Variants in PIEZO2 observed in about 807,000 individuals in gnomAD.
The protein encoded by PIEZO2 is piezo-type mechanosensitive ion channel component 2.
PIEZO2 carries 172 observed loss-of-function variants against 337.3 expected under a neutral mutation model. That is an observed-to-expected ratio of 0.51 (90% CI 0.45 to 0.58). The LOEUF (loss-of-function observed/expected upper bound fraction) is 0.58. Ranked by LOEUF, PIEZO2 falls within the 20% of genes least tolerant of loss-of-function variation. The pLI is 0.00. For missense variants in PIEZO2, 3,028 were observed against 3,391.3 expected, an observed-to-expected ratio of 0.89 and a Z score of 2.66; for synonymous variants, 1,251 against 1,228.5, an observed-to-expected ratio of 1.02 and a Z score of -0.38.
chr18:10,805,802 A>C (rs2144316178), intron 8 of PIEZO2, among the ~76,000 whole-genome samples: 2 of 152,346 alleles, frequency 1.3e-5, no homozygotes, highest in Middle Eastern at 3.4e-3. Flanking sequence ...CTAATCCCAC[A>C]GATGGCTGTT....
chr18:11,031,984 C>G lies in PIEZO2; in HGVS notation c.160+34143G>C, dbSNP rs1372698822. Among the ~76,000 whole-genome samples the G allele has an allele frequency of 2.0e-5, 3 of 152,142 alleles. No individual in the cohort carries two copies. The highest frequency in any genetic ancestry group is 4.4e-5 in the Non-Finnish European group (3 of 68,030). ...TCTCTGTTTCTCTCTGTCTCTCTCT[C>G]ACACACATACGCATACACACAGATA... On this transcript the variant is annotated intron_variant, in intron 2 of 55. Coordinates refer to ENST00000674853, the MANE Select transcript of PIEZO2 (RefSeq NM_001378183.1). The surrounding 1 kb of genome is among the most constrained non-coding windows in gnomAD (Gnocchi z 4.7).
In PIEZO2 at chr18:11,021,464, T is replaced by C. The variant is rs966949023; in HGVS notation, c.161-41804A>G. ...CCTCCTCCCCACTGCAAGGGCTCCA[T>C]GAATGCTTTCTTGGTGGTAAGGATG... On this transcript the variant is annotated intron_variant, in intron 2 of 55. Transcript: ENST00000674853. The surrounding 1 kb of genome is among the most constrained non-coding windows in gnomAD (Gnocchi z 4.7). Among the ~76,000 whole-genome samples, 1 of 152,200 alleles carries C rather than the reference T, an allele frequency of 6.6e-6. No homozygotes were observed. The highest frequency in any genetic ancestry group is 2.4e-5 in the African/African-American group (1 of 41,456).
Position 11,028,687 on chromosome 18 carries a change from C to T in PIEZO2, c.160+37440G>A, listed in dbSNP as rs1230820536. On this transcript the variant is annotated intron_variant, in intron 2 of 55. Coordinates refer to ENST00000674853, the MANE Select transcript of PIEZO2 (RefSeq NM_001378183.1). The surrounding 1 kb of genome is among the most constrained non-coding windows in gnomAD (Gnocchi z 4.8). ...GTGCAGTATTAGGGATATATGTTTC[C>T]TTAGATAGATCCTCACATATTCTGG... is the stretch of plus-strand genomic sequence containing the variant. 6.6e-6 allele frequency among the ~76,000 whole-genome samples: 1 copy of T among 152,168 alleles called. No homozygotes were observed. Among genetic ancestry groups the T allele is most frequent in the Admixed American group, 6.5e-5 (1 of 15,280 alleles).
At chr18:10,858,030 A>G (rs1355018008) in intron 5 of PIEZO2, among the ~76,000 whole-genome samples, 1 of 148,866 alleles carries the variant, frequency 6.7e-6, no homozygotes, top group Non-Finnish European at 1.5e-5. Flanking sequence ...TAAAGAAATC[A>G]TAAATAAGTG....
chr18:11,124,680 A>C (rs2146209071), intron 1 of PIEZO2, among the ~76,000 whole-genome samples: 1 of 152,242 alleles, frequency 6.6e-6, no homozygotes, highest in East Asian at 1.9e-4. Flanking sequence ...GCAGGGTTCA[A>C]GCCCCAGGAT....
intron 2 of PIEZO2, among the ~76,000 whole-genome samples, chr18:11,007,965 C>A (rs2035779211): frequency 6.6e-6 from 1 of 152,108 alleles, no homozygotes; most frequent in Non-Finnish European, 1.5e-5. Flanking sequence ...ATAAAACATG[C>A]GCCCCACCAG....
At chr18:10,879,572 T>C (rs914664727) in intron 4 of PIEZO2, among the ~76,000 whole-genome samples, 3 of 152,014 alleles carry the variant, frequency 2.0e-5, no homozygotes, top group Non-Finnish European at 2.9e-5. Context: ...ATTTTTTGTA[T>C]TTTTAGTATA....
At chr18:11,115,742 T>C (rs2039870823) in intron 1 of PIEZO2, among the ~76,000 whole-genome samples, 1 of 152,190 alleles carries the variant, frequency 6.6e-6, no homozygotes. Context: ...GTGGGAATCT[T>C]GTATTTTTAT....
At chr18:10,742,935 T>C (rs2037283632) in intron 31 of PIEZO2, among the ~76,000 whole-genome samples, 1 of 152,180 alleles carries the variant, frequency 6.6e-6, no homozygotes, top group Non-Finnish European at 1.5e-5. Context: ...TCACATCTTG[T>C]ATCATAGCCA....
Position 10,704,519 on chromosome 18 carries a change from G to A in PIEZO2, c.6133C>T (p.Leu2045Phe), listed in dbSNP as rs1474329530. 5.9e-6 allele frequency: 9 copies of A among 1,537,116 alleles called. No individual in the cohort carries two copies. Among genetic ancestry groups the A allele is most frequent in the South Asian group, 1.2e-5 (1 of 84,070 alleles). The change falls in exon 42 of 56, where the codon CTC (leucine) becomes TTC (phenylalanine). Residue 2045 changes from leucine to phenylalanine, a missense_variant. Around this residue, in one of 5 missense-constraint regions of PIEZO2, gnomAD observed 1,925 missense variants for 2,051.9 expected, o/e 0.94. Transcript: ENST00000674853. ...ATGGAGGCAGAGACCATGTGGTTGAGGATGATCACGAAGTAGCACACCATC... is the reference window on the plus strand; with the variant it reads ...ATGGAGGCAGAGACCATGTGGTTGAAGATGATCACGAAGTAGCACACCATC... ...SEMVCYFVII[L>F]NHMVSASMIT...
chr18:10,698,122 A>C lies in PIEZO2; in HGVS notation c.6695-242T>G, dbSNP rs549954818. 2.6e-5 allele frequency among the ~76,000 whole-genome samples: 4 copies of C among 152,332 alleles called. No individual in the cohort carries two copies. In the South Asian group the frequency reaches 8.3e-4, roughly 32 times the overall value. On this transcript the variant is annotated intron_variant, in intron 44 of 55. Transcript: ENST00000674853. Reference sequence around the variant, plus strand: ...TGCAATCTTTGTTTCAGAAGTAAATAAACTGGAAGGATAGTTTTTATTGTG... The same window carrying C: ...TGCAATCTTTGTTTCAGAAGTAAATCAACTGGAAGGATAGTTTTTATTGTG...
intron 36 of PIEZO2, 70 bp from the exon 37 acceptor site, chr18:10,718,329 C>A: frequency 7.7e-7 from 1 of 1,300,646 alleles, no homozygotes; most frequent in Non-Finnish European, 1.1e-6. Flanking sequence ...TGTTACTCTT[C>A]TAGATTAAAA....
chr18:10,690,744 T>C (rs1204878345), intron 48 of PIEZO2, among the ~76,000 whole-genome samples: 7 of 152,146 alleles, frequency 4.6e-5, no homozygotes, highest in Admixed American at 3.3e-4. Flanking sequence ...GTGCTTTGAG[T>C]AGTTAACTTG....
chr18:11,140,894 G>A (rs951461681), intron 1 of PIEZO2, among the ~76,000 whole-genome samples: 1 of 152,210 alleles, frequency 6.6e-6, no homozygotes, highest in Admixed American at 6.5e-5. Context: ...GGCTGTACCC[G>A]TAGAGGGTGG....
Position 10,773,777 on chromosome 18 carries a change from T to C in PIEZO2, c.2568-148A>G. On this transcript the variant is annotated intron_variant, in intron 19 of 55. Coordinates refer to ENST00000674853, the MANE Select transcript of PIEZO2 (RefSeq NM_001378183.1). This position sits in a 1 kb window ranked among gnomAD's most constrained non-coding sequence, Gnocchi z 5.3. ...GGGGTGTTAGCGTTTTGTCACTTTCTTTTTGGTTGGTTTGTTTGTTTTAAG... is the reference window on the plus strand; with the variant it reads ...GGGGTGTTAGCGTTTTGTCACTTTCCTTTTGGTTGGTTTGTTTGTTTTAAG... The C allele has an allele frequency of 2.6e-6, 2 of 779,470 alleles. No individual in the cohort carries two copies. Among genetic ancestry groups the C allele is most frequent in the East Asian group, 2.7e-5 (1 of 37,308 alleles). The allele number at this position is 779,470 out of a possible 1,614,324, so 48.3% of individuals were successfully genotyped here. A position where few individuals can be genotyped will look rare whatever the true frequency, so the allele number is the denominator to read the frequency against.
chr18:10,794,992 A>G lies in PIEZO2; in HGVS notation c.1538T>C (p.Ile513Thr). 6.5e-7 allele frequency: 1 copy of G among 1,547,950 alleles called. No homozygotes were observed. Among genetic ancestry groups the G allele is most frequent in the Non-Finnish European group, 8.7e-7 (1 of 1,146,936 alleles). The change falls in exon 13 of 56, where the codon ATC becomes ACC. Residue 513 changes from isoleucine to threonine, a missense_variant. Around this residue, in one of 5 missense-constraint regions of PIEZO2, gnomAD observed 50 missense variants for 88.2 expected, o/e 0.57. Coordinates refer to ENST00000674853, the MANE Select transcript of PIEZO2 (RefSeq NM_001378183.1). This position sits in a 1 kb window ranked among gnomAD's most constrained non-coding sequence, Gnocchi z 6.6. ...GAAGGTCAGCCAGCTGTGATAGGTGATGCTCCAGGCCTCCGGAGGACAGAA... is the reference window on the plus strand; with the variant it reads ...GAAGGTCAGCCAGCTGTGATAGGTGGTGCTCCAGGCCTCCGGAGGACAGAA... Reference protein sequence around the residue: ...CALIAMMAWSITYHSWLTFVL... With the variant: ...CALIAMMAWSTTYHSWLTFVL...
intron 2 of PIEZO2, among the ~76,000 whole-genome samples, chr18:11,054,865 G>A (rs577318335): frequency 2.0e-5 from 3 of 152,254 alleles, no homozygotes; most frequent in Admixed American, 1.3e-4. Flanking sequence ...GACTGATGAG[G>A]CACTCCTGCC....
chr18:10,799,485 T>C (rs1213674282), intron 11 of PIEZO2, among the ~76,000 whole-genome samples: 1 of 151,922 alleles, frequency 6.6e-6, no homozygotes, highest in Non-Finnish European at 1.5e-5. Context: ...TGATGGCTAT[T>C]TGAATTTGTT....
intron 36 of PIEZO2, chr18:10,725,007 C>T: frequency 6.3e-7 from 1 of 1,587,666 alleles, no homozygotes; most frequent in Non-Finnish European, 8.6e-7. Context: ...GCGATGCAGG[C>T]CATAGTGCCA....
Sources: allele counts gnomAD v4.1 joint callset (sites outside exome capture counted in the v4.1 genomes callset), GRCh38; gene constraint gnomAD v4.1.1; regional missense constraint gnomAD v4.1.1; non-coding constraint Gnocchi (gnomAD v3.1); transcripts MANE v1.5; gene names NCBI Gene and HGNC (gene_info 2026-07-23, HGNC 2026-07-21).